ST7: variants seen among roughly 807,000 people sequenced by gnomAD.
ST7 encodes the protein suppression of tumorigenicity 7, also known as suppressor of tumorigenicity 7 protein.
Under a neutral mutation model 78.7 loss-of-function variants are expected in ST7, and 28 were observed. The ratio of observed to expected loss-of-function variants is 0.36; its 90% CI spans 0.26 to 0.49. The LOEUF (loss-of-function observed/expected upper bound fraction) is 0.49. Ranked by LOEUF, ST7 falls within the 20% of genes least tolerant of loss-of-function variation. The pLI, the probability that ST7 is intolerant of heterozygous loss-of-function variation, is 0.99. For missense variants in ST7, 418 were observed against 696.0 expected, an observed-to-expected ratio of 0.60 and a Z score of 4.49; for synonymous variants, 247 against 249.6, an observed-to-expected ratio of 0.99 and a Z score of 0.10.
At chr7:117,031,921 A>T (rs1291127547) in intron 1 of ST7, among the ~76,000 whole-genome samples, 2 of 143,024 alleles carry the variant, frequency 1.4e-5, no homozygotes, top group African/African-American at 5.3e-5. Flanking sequence ...TTGCTTTGTC[A>T]CCCAGGCTGG....
At position 117,098,842 on chromosome 7, in the gene ST7, A is replaced by G. The variant is rs371946470; in HGVS notation, c.152-920A>G. The G allele has an allele frequency of 1.7e-5, 22 of 1,300,814 alleles. No homozygotes were observed. The East Asian group carries it at 6.7e-4, about 39-fold the overall frequency. 80.6% of individuals were successfully genotyped at this position (1,300,814 alleles called of 1,614,324 possible). Reference sequence around the variant, plus strand: ...TAAGTATGTGGTGGTTTTGATAATAATAAAAGTTTTGTGTAGTATCTAGAT... The same window carrying G: ...TAAGTATGTGGTGGTTTTGATAATAGTAAAAGTTTTGTGTAGTATCTAGAT... On this transcript the variant is annotated intron_variant, in intron 1 of 15. Transcript: ENST00000323984.
chr7:117,086,477 T>G (rs1800158122), intron 1 of ST7, among the ~76,000 whole-genome samples: 1 of 152,226 alleles, frequency 6.6e-6, no homozygotes, highest in African/African-American at 2.4e-5. Context: ...TTTTTCCTTC[T>G]GCATTACAGA....
chr7:117,014,196 A>ATGTTTCGTCTT (rs1182945452), intron 1 of ST7, among the ~76,000 whole-genome samples: 2 of 152,354 alleles, frequency 1.3e-5, no homozygotes, highest in African/African-American at 4.8e-5. Flanking sequence ...AAATTTATTT[A>ATGTTTCGTCTT]TGTTTCGTCT....
intron 1 of ST7, among the ~76,000 whole-genome samples, chr7:116,985,061 A>G (rs115852372): frequency 0.022 from 3,283 of 152,270 alleles, 119 homozygotes; most frequent in African/African-American, 0.075. Flanking sequence ...ATATAAAGTT[A>G]CATAATTTGG....
Position 117,129,834 on chromosome 7 carries a change from G to A in ST7, c.436G>A (p.Ala146Thr). Reference sequence around the variant, plus strand: ...AAATCCACTAAATTTATTTAGGGGTGCTGAATACAATCGGTAAGCATTTTG... The same window carrying A: ...AAATCCACTAAATTTATTTAGGGGTACTGAATACAATCGGTAAGCATTTTG... ...WRNPLNLFRG[A>T]EYNRYTWVTG... Residue 146 changes from alanine (A) to threonine (T), a missense_variant, in exon 4 of 16, where the codon GCT (alanine) becomes ACT (threonine). This residue lies in a region of ST7 where 288 missense variants were observed against 537.1 expected (regional missense o/e 0.54). Coordinates refer to ENST00000323984, the MANE Select transcript of ST7 (RefSeq NM_001369598.1). The A allele has an allele frequency of 6.2e-7, 1 of 1,610,190 alleles. No homozygotes were observed. Among genetic ancestry groups the A allele is most frequent in the Non-Finnish European group, 8.5e-7 (1 of 1,177,932 alleles).
intron 10 of ST7, among the ~76,000 whole-genome samples, chr7:117,181,990 T>C (rs1808805094): frequency 1.3e-5 from 2 of 152,194 alleles, no homozygotes; most frequent in African/African-American, 4.8e-5. Flanking sequence ...TAATACCTAA[T>C]TAATAAGTGG....
At chr7:116,956,169 T>C (rs754184820) in intron 1 of ST7, among the ~76,000 whole-genome samples, 2 of 152,236 alleles carry the variant, frequency 1.3e-5, no homozygotes, top group Non-Finnish European at 2.9e-5. Context: ...TCTTCCCTTT[T>C]AAGTAACAGT....
intron 1 of ST7, among the ~76,000 whole-genome samples, chr7:116,964,469 A>G (rs1335719812): frequency 6.6e-6 from 1 of 152,218 alleles, no homozygotes; most frequent in African/African-American, 2.4e-5. Context: ...AGTGTTACAT[A>G]ATAAGAACTA....
At chr7:117,128,136 TC>T (rs1411418819) in intron 3 of ST7, among the ~76,000 whole-genome samples, 2 of 151,926 alleles carry the variant, frequency 1.3e-5, no homozygotes, top group Admixed American at 6.6e-5. Context: ...AAATCTATAT[TC>T]ATGTTTATTT....
At chr7:117,105,570 C>T (rs1476861787) in intron 2 of ST7, among the ~76,000 whole-genome samples, 1 of 152,172 alleles carries the variant, frequency 6.6e-6, no homozygotes, top group African/African-American at 2.4e-5. Flanking sequence ...GCGTGAGCCA[C>T]CATGCCTGGC....
chr7:117,104,216 G>A (rs913538744), intron 2 of ST7, among the ~76,000 whole-genome samples: 3 of 152,216 alleles, frequency 2.0e-5, no homozygotes, highest in African/African-American at 7.2e-5. Flanking sequence ...AGAGGCAGGA[G>A]GATCACATGA....
intron 5 of ST7, among the ~76,000 whole-genome samples, chr7:117,131,405 CAT>C (rs1230197833): frequency 4.0e-5 from 6 of 151,788 alleles, no homozygotes; most frequent in Non-Finnish European, 8.8e-5. Flanking sequence ...TATAAGTACA[CAT>C]GTTAAGCAAA....
intron 12 of ST7, among the ~76,000 whole-genome samples, chr7:117,203,526 T>C (rs937185921): frequency 6.6e-5 from 10 of 152,212 alleles, no homozygotes; most frequent in African/African-American, 2.2e-4. Flanking sequence ...ACTTTGCCCG[T>C]TAATGCTGGT....
Position 117,123,234 on chromosome 7 carries a change from A to G in ST7, c.394+3514A>G, listed in dbSNP as rs1412536165. On this transcript the variant is annotated intron_variant, in intron 3 of 15. Transcript: ENST00000323984. Reference sequence around the variant, plus strand: ...AAATATCAGTTATAAACATTGTTCTATATGAAAATTCAGTGTAGCTCTTTC... The same window carrying G: ...AAATATCAGTTATAAACATTGTTCTGTATGAAAATTCAGTGTAGCTCTTTC... 2.6e-5 allele frequency among the ~76,000 whole-genome samples: 4 copies of G among 152,210 alleles called. No individual in the cohort carries two copies. The South Asian group carries it at 6.2e-4, about 24-fold the overall frequency.
chr7:117,229,824 A>G lies in ST7; in HGVS notation c.1701A>G (p.Pro567=). The G allele has an allele frequency of 6.2e-7, 1 of 1,614,084 alleles. No individual in the cohort carries two copies. Among genetic ancestry groups the G allele is most frequent in the Non-Finnish European group, 8.5e-7 (1 of 1,180,004 alleles). Residue 567 remains proline, a synonymous_variant, in exon 16 of 16, where the codon CCA becomes CCG. Transcript: ENST00000323984. ...TGGAGAAAGTGGAGAGCATCCTCCC[A>G]TCCAGTCTGTGGCACCAGCTAACAC... ...FVMEKVESIL[P]SSLWHQLTRI
chr7:116,960,231 C>T (rs954141498), intron 1 of ST7, among the ~76,000 whole-genome samples: 17 of 151,820 alleles, frequency 1.1e-4, no homozygotes, highest in African/African-American at 4.1e-4. Flanking sequence ...GCTCTGTTGC[C>T]CAGGCTGGAG....
chr7:117,041,628 C>T (rs1797233969), intron 1 of ST7, among the ~76,000 whole-genome samples: 2 of 152,128 alleles, frequency 1.3e-5, no homozygotes, highest in South Asian at 4.2e-4. Flanking sequence ...CCCCTTCTCT[C>T]TGCATATATG....
intron 9 of ST7, among the ~76,000 whole-genome samples, chr7:117,142,471 C>T (rs1805403990): frequency 6.8e-6 from 1 of 147,418 alleles, no homozygotes; most frequent in South Asian, 2.1e-4. Flanking sequence ...CCCTGTACCT[C>T]CCCAGTTGTG....
intron 15 of ST7, among the ~76,000 whole-genome samples, chr7:117,224,225 C>A (rs894803827): frequency 6.6e-6 from 1 of 152,200 alleles, no homozygotes; most frequent in Non-Finnish European, 1.5e-5. Context: ...GTACACCAAG[C>A]AGCCCTCCTT....
Sources: gnomAD v4.1 joint callset for allele counts (sites outside exome capture counted in the v4.1 genomes callset) on GRCh38, gnomAD v4.1.1 for gene constraint, gnomAD v4.1.1 regional missense constraint, MANE v1.5 for transcripts, NCBI Gene and HGNC (gene_info 2026-07-23, HGNC 2026-07-21) for gene names.